LAMB1: variants seen among roughly 807,000 people sequenced by gnomAD.
The protein encoded by LAMB1 is laminin subunit beta-1.
A neutral mutation model predicts 222.3 loss-of-function variants in LAMB1; 121 were observed. The ratio of observed to expected loss-of-function variants is 0.54; its 90% CI spans 0.47 to 0.63. The LOEUF (loss-of-function observed/expected upper bound fraction) is 0.63. Ranked by LOEUF, LAMB1 falls within the 30% of genes least tolerant of loss-of-function variation. The pLI is 0.00. For missense variants in LAMB1, 2,172 were observed against 2,240.8 expected (o/e 0.97, Z 0.62); for synonymous variants, 794 against 807.2 (o/e 0.98, Z 0.28).
chr7:107,927,170 T>C (rs914394062), intron 31 of LAMB1, among the ~76,000 whole-genome samples: 8 of 152,224 alleles, frequency 5.3e-5, no homozygotes, highest in Admixed American at 2.0e-4. Flanking sequence ...AGACATAGGC[T>C]AAAATTTGTA....
chr7:107,990,401 G>A (rs2034160464), intron 5 of LAMB1, among the ~76,000 whole-genome samples: 3 of 152,104 alleles, frequency 2.0e-5, no homozygotes, highest in Non-Finnish European at 4.4e-5. Context: ...CATGCTAAAT[G>A]AGCTTTTGCT....
At chr7:107,973,168 C>T in intron 12 of LAMB1, 97 bp from the exon 13 acceptor site, 5 of 965,428 alleles carry the variant, frequency 5.2e-6, no homozygotes, top group Non-Finnish European at 8.4e-6. Flanking sequence ...GCTGTTCCAC[C>T]AAATGCTCAT....
In LAMB1 at chr7:107,980,595, G is replaced by A; in HGVS notation, c.879+14C>T. 6.2e-7 allele frequency: 1 copy of A among 1,603,374 alleles called. No individual in the cohort carries two copies. The highest frequency in any genetic ancestry group is 1.1e-5 in the South Asian group (1 of 90,896). On this transcript the variant is annotated intron_variant, in intron 8 of 33. Transcript: ENST00000222399. ...GCCACATAAAGGAGAAAGGTGCACA[G>A]AGGGCTTACTTACCATTCCTTCCAC... is the stretch of plus-strand genomic sequence containing the variant.
chr7:107,972,587 CAAAAAAAA>C (rs60255621), intron 13 of LAMB1, among the ~76,000 whole-genome samples: 1 of 132,696 alleles, frequency 7.5e-6, no homozygotes, highest in Non-Finnish European at 1.7e-5. Context: ...TTGGAAGTCA[CAAAAAAAA>C]AAAAGAAAAA....
At chr7:107,990,027 G>GGT (rs1554412852) in intron 5 of LAMB1, among the ~76,000 whole-genome samples, 3 of 54,738 alleles carry the variant, frequency 5.5e-5, no homozygotes, top group Non-Finnish European at 1.6e-4. Flanking sequence ...AGTTTTTTGT[G>GGT]TTTTTTTTTG....
intron 7 of LAMB1, among the ~76,000 whole-genome samples, chr7:107,981,249 C>T (rs1028383851): frequency 4.6e-5 from 7 of 152,086 alleles, no homozygotes; most frequent in African/African-American, 1.7e-4. Flanking sequence ...GAGTTCAAAA[C>T]CAGCCTTGAC....
chr7:107,999,587 C>T (rs192858714), intron 3 of LAMB1, among the ~76,000 whole-genome samples: 227 of 152,082 alleles, frequency 1.5e-3, no homozygotes, highest in African/African-American at 5.4e-3. Flanking sequence ...AAACAGAGAC[C>T]CAAAGCCAGG....
At chr7:107,942,364 T>C (rs1266549688) in intron 24 of LAMB1, 1 of 152,252 alleles carries the variant, frequency 6.6e-6, no homozygotes, top group African/African-American at 2.4e-5. Context: ...TGCTATAACA[T>C]CACCATCCTT....
chr7:107,965,990 C>T (rs1434041601), intron 13 of LAMB1, among the ~76,000 whole-genome samples: 4 of 151,130 alleles, frequency 2.6e-5, no homozygotes, highest in East Asian at 2.0e-4. Context: ...CTCAGCTACT[C>T]GGGAGGCTGA....
chr7:107,966,670 C>A (rs1277808281), intron 13 of LAMB1, among the ~76,000 whole-genome samples: 1 of 152,168 alleles, frequency 6.6e-6, no homozygotes, highest in African/African-American at 2.4e-5. Flanking sequence ...ATTCTTTCCT[C>A]CCCAGATGTT....
rs2033953222 is a variant in LAMB1, at chr7:107,980,618, C to T, written c.870G>A (p.Val290=). The T allele has an allele frequency of 5.0e-6, 8 of 1,613,492 alleles. No homozygotes were observed. The highest frequency in any genetic ancestry group is 3.3e-5 in the South Asian group (3 of 91,070). The change falls in exon 8 of 34, where the codon GTG becomes GTA. Residue 290 remains valine (V), a synonymous_variant. Coordinates refer to ENST00000222399, the MANE Select transcript of LAMB1 (RefSeq NM_002291.3). The stretch of plus-strand genomic sequence containing the variant: ...CAGAGGGCTTACTTACCATTCCTTC[C>T]ACTTCTTCATTGAATCCATCCACAG... ...CAPVDGFNEE[V]EGMVHGHCMC...
In LAMB1 at chr7:107,964,636, A is replaced by G. The variant is rs377472758; in HGVS notation, c.1614T>C (p.Arg538=). 2 of 1,614,138 alleles carry G rather than the reference A, an allele frequency of 1.2e-6. No homozygotes were observed. The highest frequency in any genetic ancestry group is 1.7e-6 in the Non-Finnish European group (2 of 1,180,018). The part of the protein sequence containing the change: ...QCSCRPHMIG[R]QCNEVEPGYY... ...AACCAGGTTCCACTTCGTTGCACTG[A>G]CGTCCAATCATGTGAGGCCGGCATG... Residue 538 remains arginine, a synonymous_variant, in exon 14 of 34, where the codon CGT becomes CGC. Coordinates refer to ENST00000222399, the MANE Select transcript of LAMB1 (RefSeq NM_002291.3).
intron 2 of LAMB1, chr7:108,002,286 G>T: frequency 7.6e-7 from 1 of 1,317,466 alleles, no homozygotes; most frequent in Non-Finnish European, 1.0e-6. Flanking sequence ...CGCGGTGGAC[G>T]CCGCTTTCCG....
chr7:107,929,385 C>G (rs1157413157), intron 30 of LAMB1, 27 bp downstream of exon 30: 1 of 1,588,926 alleles, frequency 6.3e-7, no homozygotes, highest in African/African-American at 1.3e-5. Flanking sequence ...ACAAAATAAG[C>G]CCCTTAGATG....
At chr7:107,931,245 C>A (rs1311223103) in intron 29 of LAMB1, 111 bp downstream of exon 29, 535 of 744,664 alleles carry the variant, frequency 7.2e-4, no homozygotes, top group Middle Eastern at 1.7e-3. Flanking sequence ...GGACGTTTTT[C>A]TTATTTGGAA....
rs1163480243 is a variant in LAMB1, at chr7:107,931,985, C to CT, written c.4392+188dup. Among the ~76,000 whole-genome samples the CT allele has an allele frequency of 4.6e-5, 7 of 152,290 alleles. 1 individual carries two copies. The South Asian group carries it at 6.2e-4, about 14-fold the overall frequency. On this transcript the variant is annotated intron_variant, in intron 28 of 33. Transcript: ENST00000222399. ...GTGTTGAGTGAGGAGAAAGCAAATT[C>CT]TTTATCTGTGAAGAAAATCTCCCCA...
chr7:107,975,124 G>T (rs1365048797), intron 11 of LAMB1, 26 bp from the exon 12 acceptor site: 1 of 1,552,732 alleles, frequency 6.4e-7, no homozygotes, highest in Non-Finnish European at 8.9e-7. Flanking sequence ...ATGAAGTGGA[G>T]AAACACAGAC....
At chr7:107,972,781 T>C (rs1300849494) in intron 13 of LAMB1, among the ~76,000 whole-genome samples, 1 of 152,196 alleles carries the variant, frequency 6.6e-6, no homozygotes, top group South Asian at 2.1e-4. Context: ...CAACCTAACA[T>C]TCTCTATTAA....
At chr7:107,962,796 C>G (rs2150429806) in intron 15 of LAMB1, 109 bp downstream of exon 15, 1 of 840,680 alleles carries the variant, frequency 1.2e-6, no homozygotes, top group South Asian at 2.0e-5. Flanking sequence ...CTGATCTGTT[C>G]TAATGCAACC....
Sources: allele counts gnomAD v4.1 joint callset (sites outside exome capture counted in the v4.1 genomes callset), GRCh38; gene constraint gnomAD v4.1.1; transcripts MANE v1.5; gene names NCBI Gene and HGNC (gene_info 2026-07-23, HGNC 2026-07-21).